FBXL4: variants seen among roughly 807,000 people sequenced by gnomAD.
The protein encoded by FBXL4 is F-box/LRR-repeat protein 4.
FBXL4 carries 40 observed loss-of-function variants against 58.9 expected under a neutral mutation model. The ratio of observed to expected loss-of-function variants is 0.68; its 90% CI spans 0.53 to 0.88. The LOEUF (loss-of-function observed/expected upper bound fraction) is 0.88, where lower values mean the gene tolerates loss of function less well. Among genes scored for constraint, FBXL4 ranks in the 40% least tolerant of loss-of-function variants. The probability of loss-of-function intolerance (pLI) is 0.00; values close to 1 mark genes in which losing one functional copy is unlikely to be tolerated. For missense variants in FBXL4, 676 were observed against 734.4 expected, an observed-to-expected ratio of 0.92 and a Z score of 0.92; for synonymous variants, 263 against 265.5, an observed-to-expected ratio of 0.99 and a Z score of 0.09.
Position 98,905,609 on chromosome 6 carries a change from C to T in FBXL4, c.920G>A (p.Cys307Tyr). The T allele has an allele frequency of 1.2e-6, 2 of 1,613,090 alleles. No homozygotes were observed. The highest frequency in any genetic ancestry group is 1.7e-6 in the Non-Finnish European group (2 of 1,179,682). Residue 307 changes from cysteine to tyrosine, a missense_variant, in exon 6 of 10, where the codon TGC (cysteine) becomes TAC (tyrosine). Physicochemically the swap from Cys to Tyr is radical, Grantham distance 194. Transcript: ENST00000369244. The stretch of plus-strand genomic sequence containing the variant: ...ACAGCAATGCTGGCTCAGTAGTTTG[C>T]AAGTCTGTGCTAATCTACACAGGTC... The part of the protein sequence containing the change: ...LPDLCRLAQT[C>Y]KLLSQHCCDP...
At chr6:98,939,214 C>T (rs1163017832) in intron 1 of FBXL4, among the ~76,000 whole-genome samples, 1 of 151,648 alleles carries the variant, frequency 6.6e-6, no homozygotes. Context: ...GATATCCTTT[C>T]TCCTCAATTA....
rs1053511608 is a variant in FBXL4, at chr6:98,872,975, C to A, written c.*1303G>T. The A allele has an allele frequency of 6.6e-6, 1 of 152,100 alleles. No individual in the cohort carries two copies. The highest frequency in any genetic ancestry group is 2.4e-5 in the African/African-American group (1 of 41,406). 9.4% of individuals were successfully genotyped at this position (152,100 alleles called of 1,614,324 possible). ...CAGTGCCAGGCACAAAGGAAGCATT[C>A]TCCTCATGTGACTACTGAACACTTG... is the stretch of plus-strand genomic sequence containing the variant. On this transcript the variant is annotated 3_prime_UTR_variant, in exon 10 of 10. Coordinates refer to ENST00000369244, the MANE Select transcript of FBXL4 (RefSeq NM_001278716.2).
chr6:98,881,984 A>AT (rs943178167), intron 7 of FBXL4, among the ~76,000 whole-genome samples: 5 of 152,098 alleles, frequency 3.3e-5, no homozygotes, highest in Admixed American at 3.3e-4. Flanking sequence ...GTTTTATAAG[A>AT]TTTTCCCTTA....
Position 98,870,064 on chromosome 6 carries a change from GTC to G in FBXL4, c.*4212_*4213del, listed in dbSNP as rs1396685600. The G allele has an allele frequency of 6.6e-6, 1 of 152,126 alleles. No homozygotes were observed. The highest frequency in any genetic ancestry group is 2.4e-5 in the African/African-American group (1 of 41,438). The allele number at this position is 152,126 out of a possible 1,614,324, so 9.4% of individuals were successfully genotyped here. A position where few individuals can be genotyped will look rare whatever the true frequency, so the allele number is the denominator to read the frequency against. On this transcript the variant is annotated 3_prime_UTR_variant, in exon 10 of 10. Transcript: ENST00000369244. ...GGCTTCAAAATTTAACAAACAAAGA[GTC>G]TACATAAATATCTTTCTTGTCTACA...
chr6:98,906,336 C>T (rs1435472075), intron 5 of FBXL4, among the ~76,000 whole-genome samples: 1 of 151,808 alleles, frequency 6.6e-6, no homozygotes, highest in Non-Finnish European at 1.5e-5. Flanking sequence ...GCCCCACCAC[C>T]CCCCAACAGG....
At chr6:98,914,111 A>C (rs1772224468) in intron 5 of FBXL4, among the ~76,000 whole-genome samples, 1 of 152,224 alleles carries the variant, frequency 6.6e-6, no homozygotes, top group South Asian at 2.1e-4. Context: ...CCAAGGCTAA[A>C]CCAGGAAGAA....
rs115947328 is a variant in FBXL4, at chr6:98,923,490, T to C, written c.512+2987A>G. ...ACTTTTCTCACTTCTTCAAACACCA[T>C]GATCTTAGCTCATGATCTCACGTTC... On this transcript the variant is annotated intron_variant, in intron 4 of 9. Transcript: ENST00000369244. Among the ~76,000 whole-genome samples, 645 of 152,286 alleles carry C rather than the reference T, an allele frequency of 4.2e-3. 6 individuals are homozygous for C. Among genetic ancestry groups the C allele is most frequent in the African/African-American group, 0.015 (619 of 41,580 alleles).
At chr6:98,911,952 T>A (rs1034814979) in intron 5 of FBXL4, among the ~76,000 whole-genome samples, 4 of 152,056 alleles carry the variant, frequency 2.6e-5, no homozygotes, top group African/African-American at 9.7e-5. Flanking sequence ...AATGTATAAC[T>A]AGAATAACCA....
chr6:98,872,749 G>A lies in FBXL4; in HGVS notation c.*1529C>T, dbSNP rs949498754. On this transcript the variant is annotated 3_prime_UTR_variant, in exon 10 of 10. Coordinates refer to ENST00000369244, the MANE Select transcript of FBXL4 (RefSeq NM_001278716.2). Reference sequence around the variant, plus strand: ...CAGAAGCTACCCTGAACACCTAAAAGCACAGGTTTAATGCAATGCTTCAGA... The same window carrying A: ...CAGAAGCTACCCTGAACACCTAAAAACACAGGTTTAATGCAATGCTTCAGA... 6.6e-6 allele frequency: 1 copy of A among 152,134 alleles called. No individual in the cohort carries two copies. Among genetic ancestry groups the A allele is most frequent in the South Asian group, 2.1e-4 (1 of 4,822 alleles). 9.4% of individuals were successfully genotyped at this position (152,134 alleles called of 1,614,324 possible).
At chr6:98,905,834 T>C (rs1303735703) in intron 5 of FBXL4, among the ~76,000 whole-genome samples, 164 bp from the exon 6 acceptor site, 2 of 152,222 alleles carry the variant, frequency 1.3e-5, no homozygotes, top group Non-Finnish European at 2.9e-5. Flanking sequence ...AAAGAAATCA[T>C]ACGTGCATTT....
chr6:98,889,372 T>C (rs2267924), intron 7 of FBXL4, among the ~76,000 whole-genome samples: 24,199 of 152,006 alleles, frequency 0.16, 2,321 homozygotes, highest in East Asian at 0.47. Flanking sequence ...TTAGTGAAGC[T>C]TCCAAATACT....
At chr6:98,879,258 G>C (rs1185221038) in intron 8 of FBXL4, among the ~76,000 whole-genome samples, 2 of 152,166 alleles carry the variant, frequency 1.3e-5, no homozygotes, top group Non-Finnish European at 2.9e-5. Flanking sequence ...AAGTTTTCTA[G>C]AATCTTGCAA....
chr6:98,939,944 G>A (rs1447433916), intron 1 of FBXL4, among the ~76,000 whole-genome samples: 2 of 152,164 alleles, frequency 1.3e-5, no homozygotes, highest in African/African-American at 4.8e-5. Context: ...AGTAACTGGA[G>A]GTGATCATCA....
At chr6:98,947,586 G>C (rs573101663) in intron 1 of FBXL4, among the ~76,000 whole-genome samples, 1 of 152,190 alleles carries the variant, frequency 6.6e-6, no homozygotes, top group Non-Finnish European at 1.5e-5. Context: ...CCCGAGGCAC[G>C]TCAGCAGTTC....
chr6:98,924,518 CTA>C (rs1236895908), intron 4 of FBXL4, among the ~76,000 whole-genome samples: 1 of 152,118 alleles, frequency 6.6e-6, no homozygotes, highest in African/African-American at 2.4e-5. Flanking sequence ...GATCGTGCCA[CTA>C]CACTCCAGCC....
At chr6:98,907,016 T>G (rs2128394094) in intron 5 of FBXL4, among the ~76,000 whole-genome samples, 1 of 152,318 alleles carries the variant, frequency 6.6e-6, no homozygotes, top group Non-Finnish European at 1.5e-5. Context: ...TTTGATGGGG[T>G]TGTTTCTTTC....
intron 7 of FBXL4, among the ~76,000 whole-genome samples, chr6:98,889,803 A>G (rs1771163870): frequency 6.6e-6 from 1 of 152,120 alleles, no homozygotes; most frequent in African/African-American, 2.4e-5. Flanking sequence ...ATAAAGAATT[A>G]TTATTAATGC....
intron 6 of FBXL4, among the ~76,000 whole-genome samples, chr6:98,902,302 T>A (rs996705903): frequency 4.6e-5 from 7 of 152,124 alleles, no homozygotes; most frequent in African/African-American, 1.7e-4. Context: ...CTTGGAACAT[T>A]ATTTAATATA....
intron 7 of FBXL4, among the ~76,000 whole-genome samples, chr6:98,883,837 C>T (rs1476516764): frequency 5.3e-5 from 8 of 151,086 alleles, no homozygotes. Flanking sequence ...ATAGCTTTTC[C>T]TCATTCTTCA....
Sources: allele counts gnomAD v4.1 joint callset (sites outside exome capture counted in the v4.1 genomes callset), GRCh38; gene constraint gnomAD v4.1.1; transcripts MANE v1.5; gene names NCBI Gene and HGNC (gene_info 2026-07-23, HGNC 2026-07-21).